Variants in TENM4 observed in about 807,000 individuals in gnomAD.
TENM4 encodes teneurin-4.
A neutral mutation model predicts 243.3 loss-of-function variants in TENM4; 82 were observed. The observed-to-expected ratio is 0.34, with a 90% confidence interval of 0.28 to 0.40. TENM4 has a LOEUF of 0.40. Ranked by LOEUF, TENM4 falls within the 10% of genes least tolerant of loss-of-function variation. The pLI is 1.00. For synonymous variants in TENM4, 1,412 were observed against 1,456.3 expected (o/e 0.97, Z 0.69); for missense variants, 3,138 against 3,673.3 (o/e 0.85, Z 3.77).
chr11:79,313,621 G>T (rs2135416941), intron 1 of TENM4, among the ~76,000 whole-genome samples: 1 of 152,252 alleles, frequency 6.6e-6, no homozygotes, highest in South Asian at 2.1e-4. Context: ...TCCTGCTTCT[G>T]TCTGCTTCAT....
intron 6 of TENM4, among the ~76,000 whole-genome samples, chr11:78,919,268 C>A (rs1856391773): frequency 6.6e-6 from 1 of 152,004 alleles, no homozygotes; most frequent in African/African-American, 2.4e-5. Context: ...TTGAAATAAC[C>A]AAGGCTTTGA....
chr11:79,053,246 A>G (rs531481479), intron 6 of TENM4, among the ~76,000 whole-genome samples: 4 of 152,332 alleles, frequency 2.6e-5, no homozygotes, highest in East Asian at 1.9e-4. Flanking sequence ...GGGCAAATGC[A>G]TTATGAATGT....
At chr11:79,394,422 T>C (rs1390812633) in intron 1 of TENM4, among the ~76,000 whole-genome samples, 4 of 152,204 alleles carry the variant, frequency 2.6e-5, no homozygotes, top group Admixed American at 6.5e-5. Context: ...CTACACTGTA[T>C]AATTTTGAGC....
intron 1 of TENM4, among the ~76,000 whole-genome samples, chr11:79,377,409 C>G (rs1433633577): frequency 2.0e-5 from 3 of 152,210 alleles, no homozygotes; most frequent in Non-Finnish European, 4.4e-5. Context: ...CTGAAACTCT[C>G]TCTCTCAGAA....
At chr11:79,322,523 C>T (rs1303482995) in intron 1 of TENM4, among the ~76,000 whole-genome samples, 2 of 152,038 alleles carry the variant, frequency 1.3e-5, no homozygotes, top group African/African-American at 4.8e-5. Flanking sequence ...ATCTTTCCAC[C>T]CTGCTCTAGT....
chr11:79,226,048 T>G (rs1864258760), intron 2 of TENM4, among the ~76,000 whole-genome samples: 1 of 152,144 alleles, frequency 6.6e-6, no homozygotes, highest in South Asian at 2.1e-4. Flanking sequence ...TGCAATAGCC[T>G]TCATACATTC....
intron 3 of TENM4, among the ~76,000 whole-genome samples, chr11:79,209,621 A>C (rs1863918922): frequency 6.6e-6 from 1 of 152,196 alleles, no homozygotes; most frequent in Non-Finnish European, 1.5e-5. Flanking sequence ...TAGAGACTGG[A>C]GGTGCAATCA....
At chr11:79,386,068 C>T (rs1428502440) in intron 1 of TENM4, among the ~76,000 whole-genome samples, 2 of 152,192 alleles carry the variant, frequency 1.3e-5, no homozygotes, top group African/African-American at 4.8e-5. Flanking sequence ...AATCAGATAG[C>T]CCTGGCCTGA....
intron 2 of TENM4, among the ~76,000 whole-genome samples, chr11:79,268,196 T>C (rs749778802): frequency 6.6e-6 from 1 of 152,200 alleles, no homozygotes; most frequent in Non-Finnish European, 1.5e-5. Flanking sequence ...AACTTTTCCC[T>C]AAAGGGCTGG....
At chr11:79,103,472 T>C (rs1861284216) in intron 4 of TENM4, among the ~76,000 whole-genome samples, 1 of 152,124 alleles carries the variant, frequency 6.6e-6, no homozygotes, top group Non-Finnish European at 1.5e-5. Context: ...GCATCCCCTT[T>C]AGGTGGAATC....
intron 3 of TENM4, among the ~76,000 whole-genome samples, chr11:79,161,475 G>A (rs902124649): frequency 6.6e-6 from 1 of 152,148 alleles, no homozygotes; most frequent in Non-Finnish European, 1.5e-5. Flanking sequence ...ATCCAACGAG[G>A]GGCTCCTTAC....
At chr11:78,955,977 G>A (rs767537385) in intron 6 of TENM4, among the ~76,000 whole-genome samples, 16 of 152,250 alleles carry the variant, frequency 1.1e-4, no homozygotes, top group South Asian at 4.2e-4. Context: ...ACTGGAGTCT[G>A]GGGCCATGCT....
chr11:79,327,046 G>T (rs368242788), intron 1 of TENM4, among the ~76,000 whole-genome samples: 8 of 152,130 alleles, frequency 5.3e-5, no homozygotes, highest in African/African-American at 1.7e-4. Flanking sequence ...TATATGGTTT[G>T]CCCTGAACTG....
chr11:79,240,800 T>C (rs1384756013), intron 2 of TENM4, among the ~76,000 whole-genome samples: 2 of 152,180 alleles, frequency 1.3e-5, no homozygotes, highest in Admixed American at 6.5e-5. Context: ...CATATAATTT[T>C]TTTTCTTTCA....
chr11:78,758,031 A>G (rs961545403), intron 18 of TENM4, among the ~76,000 whole-genome samples: 2 of 152,212 alleles, frequency 1.3e-5, no homozygotes, highest in Non-Finnish European at 2.9e-5. Context: ...CAGGCACCTA[A>G]TATTAATAGA....
rs760620228 is a variant in TENM4 at position 78,729,578 on chromosome 11, G to T, written c.3204C>A (p.Thr1068=). 2 of 1,613,888 alleles carry T rather than the reference G, an allele frequency of 1.2e-6. No individual in the cohort carries two copies. The highest frequency in any genetic ancestry group is 1.1e-5 in the South Asian group (1 of 91,060). ...KMRLSYLSSR[T]PGYKSVLRIS... ...TCCTCAGGACAGATTTGTAGCCAGG[G>T]GTCCGGCTGCTCAGGTAGCTCAGCC... The change falls in exon 22 of 34, where the codon ACC becomes ACA. Residue 1068 remains threonine, a synonymous_variant. Coordinates refer to ENST00000278550, the MANE Select transcript of TENM4 (RefSeq NM_001098816.3).
At chr11:79,315,365 G>C (rs1226115511) in intron 1 of TENM4, among the ~76,000 whole-genome samples, 1 of 152,184 alleles carries the variant, frequency 6.6e-6, no homozygotes, top group Non-Finnish European at 1.5e-5. Flanking sequence ...GTAGAAAAGA[G>C]AAAAAGGGCA....
At chr11:79,153,960 C>G (rs1353690693) in intron 3 of TENM4, among the ~76,000 whole-genome samples, 1 of 152,178 alleles carries the variant, frequency 6.6e-6, no homozygotes, top group Non-Finnish European at 1.5e-5. Context: ...GAACCCCAAA[C>G]TCACTGCCTT....
intron 7 of TENM4, among the ~76,000 whole-genome samples, chr11:78,898,501 C>A (rs905442550): frequency 6.6e-6 from 1 of 152,206 alleles, no homozygotes; most frequent in Non-Finnish European, 1.5e-5. Flanking sequence ...CTGGTGGGGA[C>A]TGGCCCAACC....
Sources: gnomAD v4.1 joint callset for allele counts (sites outside exome capture counted in the v4.1 genomes callset) on GRCh38, gnomAD v4.1.1 for gene constraint, MANE v1.5 for transcripts, NCBI Gene and HGNC (gene_info 2026-07-23, HGNC 2026-07-21) for gene names.